Variants in MTA3 observed in about 807,000 individuals in gnomAD.
The protein encoded by MTA3 is metastasis-associated protein MTA3.
Under a neutral mutation model 83.5 loss-of-function variants are expected in MTA3, and 34 were observed. The observed-to-expected ratio is 0.41, with a 90% confidence interval of 0.31 to 0.54. The LOEUF (loss-of-function observed/expected upper bound fraction) is 0.54. Among genes scored for constraint, MTA3 ranks in the 20% least tolerant of loss-of-function variants. The probability of loss-of-function intolerance (pLI) is 0.33; values close to 1 mark genes in which losing one functional copy is unlikely to be tolerated. For missense variants in MTA3, 761 were observed against 726.4 expected (o/e 1.05, Z -0.55); for synonymous variants, 303 against 252.7 (o/e 1.20, Z -1.89).
At chr2:42,600,217 A>C (rs763979262) in intron 3 of MTA3, among the ~76,000 whole-genome samples, 1 of 151,990 alleles carries the variant, frequency 6.6e-6, no homozygotes, top group Non-Finnish European at 1.5e-5. Flanking sequence ...AAAACAAAAC[A>C]AAAAAACTTG....
At chr2:42,615,147 TG>T (rs1225009770) in intron 4 of MTA3, among the ~76,000 whole-genome samples, 2 of 151,840 alleles carry the variant, frequency 1.3e-5, no homozygotes, top group African/African-American at 4.8e-5. Flanking sequence ...AAAAATTAGC[TG>T]GTCATGGTGG....
rs1689917222 is a variant in MTA3, at chr2:42,663,382, A to C, written c.702+3520A>C. Among the ~76,000 whole-genome samples the C allele has an allele frequency of 2.0e-5, 3 of 152,298 alleles. No individual in the cohort carries two copies. In the South Asian group the frequency reaches 6.2e-4, roughly 32 times the overall value. The stretch of plus-strand genomic sequence containing the variant: ...TTCTTTTGGGAGAGGGCAGTTTTAG[A>C]GGTTTGGTATTTGTTGTCAGTGAAG... On this transcript the variant is annotated intron_variant, in intron 8 of 16. Coordinates refer to ENST00000405094, the MANE Select transcript of MTA3 (RefSeq NM_001330442.2).
At chr2:42,656,159 C>G (rs771764617) in intron 6 of MTA3, 41 bp from the exon 7 acceptor site, 3 of 1,447,828 alleles carry the variant, frequency 2.1e-6, no homozygotes, top group South Asian at 2.3e-5. Context: ...GACAGTATGC[C>G]TTGTCAGTAA....
intron 16 of MTA3, among the ~76,000 whole-genome samples, chr2:42,742,307 T>A (rs763673726): frequency 6.6e-6 from 1 of 152,044 alleles, no homozygotes; most frequent in Non-Finnish European, 1.5e-5. Flanking sequence ...CCCAGCTAAT[T>A]TTTGTATTTT....
intron 3 of MTA3, among the ~76,000 whole-genome samples, chr2:42,585,827 A>G (rs1680212575): frequency 6.6e-6 from 1 of 152,092 alleles, no homozygotes; most frequent in Non-Finnish European, 1.5e-5. Flanking sequence ...AGTTTTACCT[A>G]CAAAGGAGGG....
At chr2:42,587,121 A>G (rs1680431389) in intron 3 of MTA3, among the ~76,000 whole-genome samples, 1 of 152,120 alleles carries the variant, frequency 6.6e-6, no homozygotes, top group Non-Finnish European at 1.5e-5. Context: ...TGAACCCAGG[A>G]GGCGGAGGTT....
intron 7 of MTA3, among the ~76,000 whole-genome samples, chr2:42,657,086 G>A (rs1053174521): frequency 6.6e-6 from 1 of 152,126 alleles, no homozygotes; most frequent in African/African-American, 2.4e-5. Context: ...TGATCTAGGA[G>A]TATATATAGG....
In MTA3 at chr2:42,708,881, G is replaced by T. The variant is rs769132170; in HGVS notation, c.1310G>T (p.Arg437Leu). 6.2e-6 allele frequency: 10 copies of T among 1,613,758 alleles called. No individual in the cohort carries two copies. The highest frequency in any genetic ancestry group is 3.3e-5 in the Admixed American group (2 of 59,990). The change falls in exon 14 of 17, where the codon CGT becomes CTT. Residue 437 changes from arginine to leucine, a missense_variant. Transcript: ENST00000405094. ...TGTTTTCTGATTTTGCAGGACCCTC[G>T]TGTTAGAAGTCACGTGTCCCGCCAG... Reference protein sequence around the residue: ...LSPSPTTEDPRVRSHVSRQAM... With the variant: ...LSPSPTTEDPLVRSHVSRQAM...
intron 2 of MTA3, among the ~76,000 whole-genome samples, chr2:42,539,118 C>T (rs545027799): frequency 5.3e-4 from 81 of 152,226 alleles, no homozygotes; most frequent in Middle Eastern, 3.4e-3. Flanking sequence ...GCTTTTTTCC[C>T]TCTCTGTGCC....
upstream of MTA3, among the ~76,000 whole-genome samples, chr2:42,563,776 A>ATTGC (rs1677772329): frequency 8.7e-6 from 1 of 114,378 alleles, no homozygotes; most frequent in Non-Finnish European, 1.8e-5. Context: ...TGGACCAAAC[A>ATTGC]TTCCTTCCTT....
chr2:42,544,354 G>A (rs976625893), intron 2 of MTA3, among the ~76,000 whole-genome samples: 2 of 151,864 alleles, frequency 1.3e-5, no homozygotes, highest in African/African-American at 4.8e-5. Context: ...GCTGAGGCAG[G>A]AGAATCGCTC....
chr2:42,679,610 T>C (rs759414616), intron 8 of MTA3, among the ~76,000 whole-genome samples: 2 of 152,228 alleles, frequency 1.3e-5, no homozygotes, highest in Non-Finnish European at 2.9e-5. Context: ...AGAAGATTCA[T>C]GGGAACCCAT....
At chr2:42,658,412 G>A (rs1218930108) in intron 7 of MTA3, among the ~76,000 whole-genome samples, 1 of 152,192 alleles carries the variant, frequency 6.6e-6, no homozygotes, top group Non-Finnish European at 1.5e-5. Flanking sequence ...GAAACACATG[G>A]AATGTCTGTC....
chr2:42,544,642 C>T (rs1015196799), intron 2 of MTA3, among the ~76,000 whole-genome samples: 2 of 151,450 alleles, frequency 1.3e-5, no homozygotes, highest in East Asian at 3.9e-4. Flanking sequence ...CCACCTCGGC[C>T]TCCCAAAGTG....
chr2:42,580,821 C>T (rs1212443855), intron 3 of MTA3, among the ~76,000 whole-genome samples: 1 of 152,152 alleles, frequency 6.6e-6, no homozygotes, highest in Non-Finnish European at 1.5e-5. Context: ...GTGTTGAACT[C>T]CTGACCTCAA....
At chr2:42,662,258 T>C (rs1462725424) in intron 8 of MTA3, among the ~76,000 whole-genome samples, 1 of 152,068 alleles carries the variant, frequency 6.6e-6, no homozygotes, top group African/African-American at 2.4e-5. Flanking sequence ...TAATGCTATG[T>C]TGAAAATTTC....
At chr2:42,661,806 A>C (rs1216356722) in intron 8 of MTA3, among the ~76,000 whole-genome samples, 1 of 152,170 alleles carries the variant, frequency 6.6e-6, no homozygotes, top group South Asian at 2.1e-4. Flanking sequence ...AAAACTCCAT[A>C]TAAGGGCACC....
chr2:42,586,584 ACACACACACACACACACACACACACAC>A (rs1680348385), intron 3 of MTA3, among the ~76,000 whole-genome samples: 1 of 13,822 alleles, frequency 7.2e-5, no homozygotes, highest in Non-Finnish European at 1.4e-4. Context: ...ACACACACAC[ACACACACACACACACACACACACACAC>A]ACACATCGTT....
In MTA3 at chr2:42,704,290, C is replaced by G. The variant is rs1283751533; in HGVS notation, c.1122C>G (p.Leu374=). 1 of 1,613,924 alleles carries G rather than the reference C, an allele frequency of 6.2e-7. No individual in the cohort carries two copies. The highest frequency in any genetic ancestry group is 1.3e-5 in the African/African-American group (1 of 75,038). ...CCACGTTCCAGCCTCAGAATCCTCT[C>G]TTAGGGAGAGCCTGTGAGAGCTGCT... ...VGTTFQPQNP[L]LGRACESCYA... Residue 374 remains leucine, a synonymous_variant, in exon 12 of 17, where the codon CTC becomes CTG. Coordinates refer to ENST00000405094, the MANE Select transcript of MTA3 (RefSeq NM_001330442.2).
Sources: allele counts gnomAD v4.1 joint callset (sites outside exome capture counted in the v4.1 genomes callset), GRCh38; gene constraint gnomAD v4.1.1; transcripts MANE v1.5; gene names NCBI Gene and HGNC (gene_info 2026-07-23, HGNC 2026-07-21).